The following SLC4A5 variants were observed in gnomAD, a reference collection of about 807,000 sequenced individuals.
The protein encoded by SLC4A5 is electrogenic sodium bicarbonate cotransporter 4.
Under a neutral mutation model 120.4 loss-of-function variants are expected in SLC4A5, and 96 were observed. That is an observed-to-expected ratio of 0.80 (90% CI 0.68 to 0.94). The LOEUF (loss-of-function observed/expected upper bound fraction) is 0.94, where lower values mean the gene tolerates loss of function less well. Ranked by LOEUF, SLC4A5 falls within the 40% of genes least tolerant of loss-of-function variation. The probability of loss-of-function intolerance (pLI) is 0.00; values close to 1 mark genes in which losing one functional copy is unlikely to be tolerated. For synonymous variants in SLC4A5, 550 were observed against 571.1 expected (o/e 0.96, Z 0.53); for missense variants, 1,259 against 1,459.5 (o/e 0.86, Z 2.24).
chr2:74,268,512 TCAA>T (rs1671375045), intron 8 of SLC4A5, among the ~76,000 whole-genome samples: 1 of 152,278 alleles, frequency 6.6e-6, no homozygotes, highest in African/African-American at 2.4e-5. Flanking sequence ...GGAACAGTTC[TCAA>T]CTGGTAGACA....
chr2:74,332,019 G>A (rs1573112851), intron 4 of SLC4A5, among the ~76,000 whole-genome samples: 2 of 152,270 alleles, frequency 1.3e-5, no homozygotes, highest in South Asian at 4.1e-4. Flanking sequence ...CCAGTTCTGG[G>A]TAGATAAGTT....
chr2:74,280,524 T>A (rs1295525631), intron 8 of SLC4A5, among the ~76,000 whole-genome samples: 1 of 152,144 alleles, frequency 6.6e-6, no homozygotes, highest in African/African-American at 2.4e-5. Context: ...GTTTGTTGAT[T>A]TCTGCACTGG....
At chr2:74,248,397 C>T (rs376799915) in exon 18 of SLC4A5, 130 of 1,614,046 alleles carry the variant, frequency 8.1e-5, no homozygotes, top group Middle Eastern at 1.6e-4. Flanking sequence ...GGATGGGCCC[C>T]GTGCTGCTGA....
intron 25 of SLC4A5, 81 bp downstream of exon 25, chr2:74,231,155 T>A: frequency 2.9e-6 from 4 of 1,356,532 alleles, no homozygotes; most frequent in Non-Finnish European, 4.1e-6. Flanking sequence ...TCCCTAGCCA[T>A]GTGGGGACCC....
intron 12 of SLC4A5, among the ~76,000 whole-genome samples, chr2:74,258,013 C>A (rs1172458256): frequency 2.0e-5 from 3 of 152,228 alleles, no homozygotes; most frequent in East Asian, 3.9e-4. Context: ...GTGTTCCAAC[C>A]AACCCTGGCT....
chr2:74,255,766 G>A lies in SLC4A5; in HGVS notation c.1025+9C>T. The A allele has an allele frequency of 6.2e-7, 1 of 1,614,008 alleles. No homozygotes were observed. Among genetic ancestry groups the A allele is most frequent in the Non-Finnish European group, 8.5e-7 (1 of 1,179,940 alleles). ...GAGTGGCGTGGGGACAGGTTTCAAT[G>A]GCTCTCACCTGGTGGGGACAGGCAC... On this transcript the variant is annotated intron_variant, in intron 13 of 30. Coordinates refer to ENST00000394019, the Ensembl canonical transcript of SLC4A5. The surrounding 1 kb of genome is among the most constrained non-coding windows in gnomAD (Gnocchi z 4.0).
chr2:74,217,543 T>C (rs1430300719), exon 31 of SLC4A5: 1 of 152,220 alleles, frequency 6.6e-6, no homozygotes, highest in African/African-American at 2.4e-5. Flanking sequence ...GAATAAACAT[T>C]GAAAATTTGC....
At chr2:74,300,630 T>G (rs967156822) in intron 7 of SLC4A5, among the ~76,000 whole-genome samples, 1 of 152,186 alleles carries the variant, frequency 6.6e-6, no homozygotes, top group Non-Finnish European at 1.5e-5. Context: ...ACTCACCACC[T>G]AGGCCTATGT....
intron 3 of SLC4A5, among the ~76,000 whole-genome samples, chr2:74,338,280 A>G (rs1195161763): frequency 6.6e-6 from 1 of 152,040 alleles, no homozygotes; most frequent in African/African-American, 2.4e-5. Flanking sequence ...GTTTGTCTCT[A>G]CTCTTGTACT....
chr2:74,231,106 C>T (rs828862), intron 25 of SLC4A5, 130 bp downstream of exon 25: 53,003 of 806,522 alleles, frequency 0.066, 2,160 homozygotes, highest in Non-Finnish European at 0.086. Flanking sequence ...CATGCCCGGC[C>T]AAGACTGTGC....
intron 19 of SLC4A5, among the ~76,000 whole-genome samples, chr2:74,243,030 G>C (rs1454443692): frequency 6.6e-6 from 1 of 152,220 alleles, no homozygotes; most frequent in Non-Finnish European, 1.5e-5. Context: ...TCTGCCAAAT[G>C]CAAGTTGAGG....
intron 30 of SLC4A5, among the ~76,000 whole-genome samples, chr2:74,220,160 AGCCTTTCTT>A (rs931771527): frequency 8.5e-5 from 13 of 152,318 alleles, no homozygotes; most frequent in African/African-American, 2.9e-4. Flanking sequence ...AATGAAGTAA[AGCCTTTCTT>A]GCCTCTAAAT....
rs1672057810 is a variant in SLC4A5, at chr2:74,288,540, C to T, written c.272-2638G>A. On this transcript the variant is annotated intron_variant, in intron 7 of 30. Coordinates refer to ENST00000394019, the Ensembl canonical transcript of SLC4A5. ...GTGGCAGTTTCTTGATATTTTCCCT[C>T]TTTGAAGATTCTCTCTCAATATCTT... 1.3e-5 allele frequency among the ~76,000 whole-genome samples: 2 copies of T among 152,156 alleles called. 1 individual carries two copies. The highest frequency in any genetic ancestry group is 4.1e-4 in the South Asian group (2 of 4,830).
At chr2:74,326,917 T>C (rs1365135506) in intron 5 of SLC4A5, among the ~76,000 whole-genome samples, 1 of 152,022 alleles carries the variant, frequency 6.6e-6, no homozygotes, top group Non-Finnish European at 1.5e-5. Flanking sequence ...AGCAAGGTGG[T>C]GGTGACACAG....
In SLC4A5 at chr2:74,338,182, T is replaced by C. The variant is rs953951473; in HGVS notation, c.-221+673A>G. On this transcript the variant is annotated intron_variant, in intron 3 of 30. Coordinates refer to ENST00000394019, the Ensembl canonical transcript of SLC4A5. Reference sequence around the variant, plus strand: ...AATGGTGTGGCCCAGGTTTTGACCATAGGCATAGGAGGGAGAAATGGAGGC... The same window carrying C: ...AATGGTGTGGCCCAGGTTTTGACCACAGGCATAGGAGGGAGAAATGGAGGC... Among the ~76,000 whole-genome samples, 5 of 152,116 alleles carry C rather than the reference T, an allele frequency of 3.3e-5. No homozygotes were observed. In the East Asian group the frequency reaches 5.8e-4, roughly 18 times the overall value.
At chr2:74,299,767 G>A (rs1672425042) in intron 7 of SLC4A5, among the ~76,000 whole-genome samples, 1 of 152,218 alleles carries the variant, frequency 6.6e-6, no homozygotes. Context: ...TGCACTGTTG[G>A]TGGGAATGTA....
At chr2:74,231,201 G>A (rs200675547) in intron 25 of SLC4A5, 35 bp downstream of exon 25, 37 of 1,586,540 alleles carry the variant, frequency 2.3e-5, no homozygotes, top group South Asian at 5.8e-5. Context: ...GCTTTCTCAG[G>A]CAACGAGGCC....
intron 7 of SLC4A5, chr2:74,290,124 C>A (rs2191309): frequency 0.078 from 76,917 of 984,994 alleles, 9,151 homozygotes; most frequent in African/African-American, 0.48. Flanking sequence ...CTGCCATTCC[C>A]TAAGTCTGGA....
chr2:74,218,318 A>G (rs1249761896), exon 31 of SLC4A5: 1 of 152,182 alleles, frequency 6.6e-6, no homozygotes, highest in Non-Finnish European at 1.5e-5. Context: ...TGAATTGACT[A>G]TTGCCCCTTT....
Sources: allele counts gnomAD v4.1 joint callset (sites outside exome capture counted in the v4.1 genomes callset), GRCh38; gene constraint gnomAD v4.1.1; non-coding constraint Gnocchi (gnomAD v3.1); transcripts MANE v1.5; gene names NCBI Gene and HGNC (gene_info 2026-07-23, HGNC 2026-07-21).